Variants in DCDC1 observed in about 807,000 individuals in gnomAD.
DCDC1 encodes the protein doublecortin domain-containing protein 1.
Under a neutral mutation model 178.3 loss-of-function variants are expected in DCDC1, and 200 were observed. That is an observed-to-expected ratio of 1.12 (90% CI 1.00 to 1.26). The LOEUF is 1.26. DCDC1 is among the 50% of genes most tolerant of loss of function. DCDC1 has a pLI of 0.00. For missense variants in DCDC1, 1,983 were observed against 1,749.2 expected (o/e 1.13, Z -2.38); for synonymous variants, 690 against 604.8 (o/e 1.14, Z -2.07).
At chr11:30,911,456 C>A in intron 27 of DCDC1, 36 bp from the exon 28 acceptor site, 1 of 1,524,614 alleles carries the variant, frequency 6.6e-7, no homozygotes, top group Non-Finnish European at 9.0e-7. Context: ...TACAAAGTAG[C>A]ATGACCAGAT....
At chr11:31,108,834 C>G (rs920454681) in intron 12 of DCDC1, among the ~76,000 whole-genome samples, 1 of 152,124 alleles carries the variant, frequency 6.6e-6, no homozygotes, top group African/African-American at 2.4e-5. Context: ...TTGTGATAAT[C>G]TTCACCCATT....
At chr11:30,909,825 T>G (rs752169950) in intron 28 of DCDC1, among the ~76,000 whole-genome samples, 1 of 152,204 alleles carries the variant, frequency 6.6e-6, no homozygotes, top group Non-Finnish European at 1.5e-5. Flanking sequence ...ATATATTTAT[T>G]CTAATTGTGA....
chr11:30,895,470 T>G (rs1223516125), intron 34 of DCDC1, among the ~76,000 whole-genome samples: 1 of 152,170 alleles, frequency 6.6e-6, no homozygotes, highest in Admixed American at 6.5e-5. Flanking sequence ...GAGTCTCAAT[T>G]TTGTTGCCAA....
chr11:31,194,890 G>A (rs936797506), intron 9 of DCDC1, among the ~76,000 whole-genome samples: 1 of 152,036 alleles, frequency 6.6e-6, no homozygotes, highest in Admixed American at 6.6e-5. Flanking sequence ...TATTTACTGA[G>A]TATCATGTGT....
intron 6 of DCDC1, among the ~76,000 whole-genome samples, chr11:31,303,651 T>C (rs570292813): frequency 1.3e-4 from 20 of 152,298 alleles, no homozygotes; most frequent in African/African-American, 4.6e-4. Context: ...TTTACATTTA[T>C]ATTCTTAACA....
intron 2 of DCDC1, among the ~76,000 whole-genome samples, chr11:31,334,844 G>C (rs1950190315): frequency 1.3e-5 from 2 of 152,178 alleles, no homozygotes; most frequent in Non-Finnish European, 2.9e-5. Flanking sequence ...CTCCCAGTTA[G>C]GGTACAAGGG....
At chr11:30,884,794 T>C (rs989728338) in intron 36 of DCDC1, among the ~76,000 whole-genome samples, 2 of 151,856 alleles carry the variant, frequency 1.3e-5, no homozygotes, top group African/African-American at 4.8e-5. Context: ...TTAGTATATG[T>C]AAAAAAATAC....
chr11:31,084,648 T>G (rs1957368706), intron 17 of DCDC1, among the ~76,000 whole-genome samples: 1 of 152,140 alleles, frequency 6.6e-6, no homozygotes, highest in Admixed American at 6.5e-5. Flanking sequence ...GCCTTTGTAT[T>G]AATGCAACTT....
chr11:31,233,260 T>A (rs1421907129), intron 9 of DCDC1, among the ~76,000 whole-genome samples: 1 of 152,192 alleles, frequency 6.6e-6, no homozygotes, highest in Non-Finnish European at 1.5e-5. Context: ...TAAGTTCCCA[T>A]AATACATAGA....
chr11:31,082,127 C>G (rs971717334), intron 17 of DCDC1, among the ~76,000 whole-genome samples: 1 of 151,972 alleles, frequency 6.6e-6, no homozygotes, highest in Non-Finnish European at 1.5e-5. Context: ...ACATCAATAA[C>G]GAAAGGAAGG....
intron 17 of DCDC1, among the ~76,000 whole-genome samples, chr11:31,082,272 G>C (rs1207018631): frequency 6.6e-6 from 1 of 151,994 alleles, no homozygotes; most frequent in Non-Finnish European, 1.5e-5. Context: ...AGATCACTTA[G>C]TCTCTAGTGG....
chr11:31,105,467 C>T (rs1271160684), intron 13 of DCDC1, among the ~76,000 whole-genome samples: 1 of 151,550 alleles, frequency 6.6e-6, no homozygotes, highest in African/African-American at 2.4e-5. Context: ...AATAATGACA[C>T]ATTTTATTAA....
intron 9 of DCDC1, among the ~76,000 whole-genome samples, chr11:31,152,401 G>A (rs1195769539): frequency 6.6e-6 from 1 of 152,188 alleles, no homozygotes; most frequent in African/African-American, 2.4e-5. Flanking sequence ...AAAGCTAAAA[G>A]TCTCCACCAC....
chr11:31,330,134 A>G (rs1378142105), intron 2 of DCDC1, among the ~76,000 whole-genome samples: 1 of 152,096 alleles, frequency 6.6e-6, no homozygotes, highest in East Asian at 1.9e-4. Flanking sequence ...TTTGATTTGC[A>G]TTTCTCTGAT....
intron 7 of DCDC1, among the ~76,000 whole-genome samples, chr11:31,277,877 T>G (rs549181661): frequency 1.3e-5 from 2 of 152,234 alleles, no homozygotes; most frequent in East Asian, 3.9e-4. Flanking sequence ...TTTTCATTTT[T>G]ATAATGCTGT....
intron 24 of DCDC1, among the ~76,000 whole-genome samples, chr11:30,922,175 GA>G (rs2134249328): frequency 6.6e-6 from 1 of 152,330 alleles, no homozygotes; most frequent in East Asian, 1.9e-4. Context: ...TGGAGATAGA[GA>G]AATCTGAAAG....
At chr11:30,892,796 AC>A (rs761692309) in intron 36 of DCDC1, 21 bp downstream of exon 36, 4 of 1,613,138 alleles carry the variant, frequency 2.5e-6, no homozygotes, top group South Asian at 2.2e-5. Context: ...CCTATGAAAC[AC>A]TCCTTTCACA....
At chr11:30,875,113 G>A (rs1941994974) in intron 38 of DCDC1, among the ~76,000 whole-genome samples, 1 of 152,142 alleles carries the variant, frequency 6.6e-6, no homozygotes, top group African/African-American at 2.4e-5. Context: ...ATTAGAAAAT[G>A]TTATAGCTGC....
chr11:31,209,380 A>C (rs1447517877), intron 9 of DCDC1, among the ~76,000 whole-genome samples: 4 of 152,232 alleles, frequency 2.6e-5, no homozygotes, highest in Non-Finnish European at 5.9e-5. Flanking sequence ...TAAAACCAGA[A>C]GAGTTCACAA....
Sources: allele counts gnomAD v4.1 joint callset (sites outside exome capture counted in the v4.1 genomes callset), GRCh38; gene constraint gnomAD v4.1.1; transcripts MANE v1.5; gene names NCBI Gene and HGNC (gene_info 2026-07-23, HGNC 2026-07-21).